IQSEC1: variants seen among roughly 807,000 people sequenced by gnomAD.
IQSEC1 encodes the protein IQ motif and Sec7 domain ArfGEF 1.
IQSEC1 carries 31 observed loss-of-function variants against 91.0 expected under a neutral mutation model. That is an observed-to-expected ratio of 0.34 (90% CI 0.26 to 0.46). The LOEUF (loss-of-function observed/expected upper bound fraction) is 0.46, where lower values mean the gene tolerates loss of function less well. Among genes scored for constraint, IQSEC1 ranks in the 20% least tolerant of loss-of-function variants. IQSEC1 has a pLI of 1.00. For missense variants in IQSEC1, 1,388 were observed against 1,575.6 expected (o/e 0.88, Z 2.02); for synonymous variants, 699 against 662.6 (o/e 1.05, Z -0.84).
At position 12,924,671 on chromosome 3, in the gene IQSEC1, T is replaced by A; in HGVS notation, c.1640A>T (p.His547Leu). The change falls in exon 4 of 14, where the codon CAC (histidine) becomes CTC (leucine). Residue 547 changes from histidine to leucine, a missense_variant. By Grantham distance (99) the His-to-Leu change is moderately conservative. This residue lies in a region of IQSEC1 where 1,059 missense variants were observed against 1,317.8 expected (regional missense o/e 0.80). Transcript: ENST00000613206. This position sits in a 1 kb window ranked among gnomAD's most constrained non-coding sequence, Gnocchi z 6.3. ...FVPDTPVGVA[H>L]FLLQRKGLSR... Reference sequence around the variant, plus strand: ...GAGGCCCTTGCGCTGCAGCAGGAAGTGGGCCACCCCGACGGGCGTGTCGGG... The same window carrying A: ...GAGGCCCTTGCGCTGCAGCAGGAAGAGGGCCACCCCGACGGGCGTGTCGGG... 6.2e-7 allele frequency: 1 copy of A among 1,610,224 alleles called. No individual in the cohort carries two copies.
Position 13,280,601 on chromosome 3 carries a change from C to T in IQSEC1, c.272+2110G>A, listed in dbSNP as rs114489037. Among the ~76,000 whole-genome samples, 229 of 152,328 alleles carry T rather than the reference C, an allele frequency of 1.5e-3. 1 individual carries two copies. Among genetic ancestry groups the T allele is most frequent in the Middle Eastern group, 3.4e-3 (1 of 294 alleles). On this transcript the variant is annotated intron_variant, in intron 1 of 15. Coordinates refer to the IQSEC1 transcript ENST00000648114. ...AGGGAACCCACCCACAGCTCCTGCTCACACCAAGACTCCCCACAGCCTCAC... is the reference window on the plus strand; with the variant it reads ...AGGGAACCCACCCACAGCTCCTGCTTACACCAAGACTCCCCACAGCCTCAC...
At chr3:13,224,915 A>G (rs573438018) in intron 1 of IQSEC1, among the ~76,000 whole-genome samples, 6 of 152,300 alleles carry the variant, frequency 3.9e-5, no homozygotes, top group Admixed American at 3.9e-4. Context: ...CCCCACGGGG[A>G]CGTGTCCAGC....
At chr3:12,966,059 T>C (rs1343986317) in intron 1 of IQSEC1, among the ~76,000 whole-genome samples, 1 of 152,294 alleles carries the variant, frequency 6.6e-6, no homozygotes, top group Non-Finnish European at 1.5e-5. Context: ...TAAGAAGCAA[T>C]TGTAATACCA....
chr3:13,270,862 A>G (rs1257713731), intron 1 of IQSEC1, among the ~76,000 whole-genome samples: 4 of 152,226 alleles, frequency 2.6e-5, no homozygotes, highest in African/African-American at 4.8e-5. Context: ...TGGATAATAG[A>G]AAACATAATA....
chr3:13,243,678 C>T (rs562711186), intron 1 of IQSEC1, among the ~76,000 whole-genome samples: 2 of 151,792 alleles, frequency 1.3e-5, no homozygotes, highest in East Asian at 3.9e-4. Context: ...CCAGCAGGAG[C>T]CAATGCGCTT....
At chr3:12,956,115 G>A (rs936582999) in intron 1 of IQSEC1, among the ~76,000 whole-genome samples, 3 of 152,162 alleles carry the variant, frequency 2.0e-5, no homozygotes, top group South Asian at 2.1e-4. Context: ...GGTGGCAGCC[G>A]CATCCATCAG....
At chr3:13,115,614 G>A (rs1389382249) in intron 2 of IQSEC1, among the ~76,000 whole-genome samples, 1 of 152,228 alleles carries the variant, frequency 6.6e-6, no homozygotes, top group African/African-American at 2.4e-5. Context: ...AGTCACTCGA[G>A]AGGGGCACAC....
chr3:13,197,996 G>A (rs961123651), intron 1 of IQSEC1, among the ~76,000 whole-genome samples: 2 of 152,220 alleles, frequency 1.3e-5, no homozygotes, highest in Non-Finnish European at 1.5e-5. Context: ...GCCTCTCTGT[G>A]GAGAGGACTA....
In IQSEC1 at chr3:13,243,407, C is replaced by A. The variant is rs151213786; in HGVS notation, c.272+39304G>T. 3.3e-4 allele frequency among the ~76,000 whole-genome samples: 50 copies of A among 152,302 alleles called. No homozygotes were observed. In the East Asian group the frequency reaches 8.3e-3, roughly 25 times the overall value. ...GAGCCCTGCGGAGGCCCCAGGGCCA[C>A]AAGCTGCCTTTGCCAGAGCCAGCTA... is the stretch of plus-strand genomic sequence containing the variant. On this transcript the variant is annotated intron_variant, in intron 1 of 15. Transcript: ENST00000648114.
At chr3:13,227,174 A>G (rs938761254) in intron 1 of IQSEC1, among the ~76,000 whole-genome samples, 59 of 152,018 alleles carry the variant, frequency 3.9e-4, no homozygotes, top group Non-Finnish European at 8.4e-4. Context: ...TCAGGAGTTC[A>G]AGACCAACCT....
chr3:13,163,636 T>C (rs753449274), intron 2 of IQSEC1, among the ~76,000 whole-genome samples: 4 of 152,112 alleles, frequency 2.6e-5, no homozygotes, highest in Non-Finnish European at 5.9e-5. Context: ...GGGGCGAGGA[T>C]GGGCAGGGGC....
At chr3:13,123,954 G>C (rs1013242018) in intron 2 of IQSEC1, among the ~76,000 whole-genome samples, 1 of 152,236 alleles carries the variant, frequency 6.6e-6, no homozygotes, top group Admixed American at 6.5e-5. Flanking sequence ...AGTTTTATTG[G>C]AACGCAGCCA....
In IQSEC1 at chr3:12,901,037, C is replaced by T. The variant is rs1011164875; in HGVS notation, c.3291G>A (p.Pro1097=). ...TGGCCTTGCTGCTGGTGGGGGGCGG[C>T]GGGGCAGGGGGCTGCCCATGGTGGT... ...TVHHHGQPPA[P]PPPTSSKAKP... The change falls in exon 14 of 14, where the codon CCG becomes CCA. Residue 1097 remains proline, a synonymous_variant. Coordinates refer to ENST00000613206, the MANE Select transcript of IQSEC1 (RefSeq NM_001134382.3). The T allele has an allele frequency of 3.3e-5, 37 of 1,118,030 alleles. No homozygotes were observed. The highest frequency in any genetic ancestry group is 1.3e-4 in the Admixed American group (6 of 45,268). The allele number at this position is 1,118,030 out of a possible 1,614,324, so 69.3% of individuals were successfully genotyped here. A position where few individuals can be genotyped will look rare whatever the true frequency, so the allele number is the denominator to read the frequency against.
chr3:13,059,091 C>T (rs1704977785), intron 1 of IQSEC1, among the ~76,000 whole-genome samples: 1 of 152,096 alleles, frequency 6.6e-6, no homozygotes, highest in African/African-American at 2.4e-5. Flanking sequence ...CCTTTGGTGA[C>T]ACCAAGGTCA....
intron 2 of IQSEC1, among the ~76,000 whole-genome samples, chr3:13,087,760 G>T (rs1282180464): frequency 4.6e-5 from 7 of 152,196 alleles, no homozygotes; most frequent in African/African-American, 1.7e-4. Context: ...CAGTTCTGGA[G>T]GCTGGGAAGT....
intron 1 of IQSEC1, among the ~76,000 whole-genome samples, chr3:13,177,526 C>T (rs1041240548): frequency 3.3e-5 from 5 of 151,706 alleles, no homozygotes; most frequent in South Asian, 2.1e-4. Flanking sequence ...CTGAGCCAGC[C>T]AGCAGGGCCA....
At chr3:12,973,481 C>G (rs1701006860) in intron 1 of IQSEC1, among the ~76,000 whole-genome samples, 2 of 152,200 alleles carry the variant, frequency 1.3e-5, no homozygotes. Flanking sequence ...ACATTGCGCT[C>G]CATGCACCTT....
In IQSEC1 at chr3:12,898,028, A is replaced by T. The variant is rs1693820705; in HGVS notation, c.*2955T>A. On this transcript the variant is annotated 3_prime_UTR_variant, in exon 14 of 14. Transcript: ENST00000613206. Reference sequence around the variant, plus strand: ...CTCAGCGTCTCCTGCTCCTGTCAGCAATTCTGTATGTAACTGCAGTAATTT... The same window carrying T: ...CTCAGCGTCTCCTGCTCCTGTCAGCTATTCTGTATGTAACTGCAGTAATTT... 1 of 152,246 alleles carries T rather than the reference A, an allele frequency of 6.6e-6. No homozygotes were observed. The highest frequency in any genetic ancestry group is 2.1e-4 in the South Asian group (1 of 4,836). 9.4% of individuals were successfully genotyped at this position (152,246 alleles called of 1,614,324 possible). A position where few individuals can be genotyped will look rare whatever the true frequency, so the allele number is the denominator to read the frequency against.
intron 1 of IQSEC1, among the ~76,000 whole-genome samples, chr3:13,028,868 T>C (rs1381469044): frequency 4.6e-5 from 7 of 152,174 alleles, no homozygotes; most frequent in Admixed American, 4.6e-4. Context: ...GGTCACACAG[T>C]AAGGAAGCCG....
Sources: gnomAD v4.1 joint callset for allele counts (sites outside exome capture counted in the v4.1 genomes callset) on GRCh38, gnomAD v4.1.1 for gene constraint, gnomAD v4.1.1 regional missense constraint, Gnocchi (gnomAD v3.1) non-coding constraint, MANE v1.5 for transcripts, NCBI Gene and HGNC (gene_info 2026-07-23, HGNC 2026-07-21) for gene names.